GPC6: variants seen among roughly 807,000 people sequenced by gnomAD.
The protein encoded by GPC6 is glypican 6, also known as glypican-6.
GPC6 carries 14 observed loss-of-function variants against 55.2 expected under a neutral mutation model. That is an observed-to-expected ratio of 0.25 (90% CI 0.17 to 0.40). The LOEUF (loss-of-function observed/expected upper bound fraction) is 0.40. Ranked by LOEUF, GPC6 falls within the 10% of genes least tolerant of loss-of-function variation. The pLI, the probability that GPC6 is intolerant of heterozygous loss-of-function variation, is 1.00. For missense variants in GPC6, 641 were observed against 708.5 expected (o/e 0.90, Z 1.08); for synonymous variants, 278 against 259.6 (o/e 1.07, Z -0.68).
chr13:93,346,673 A>G (rs1198148454), intron 1 of GPC6, among the ~76,000 whole-genome samples: 1 of 152,154 alleles, frequency 6.6e-6, no homozygotes, highest in Non-Finnish European at 1.5e-5. Context: ...CTGGATTAGG[A>G]TGACAATGAG....
chr13:93,789,546 A>G (rs1272615418), intron 2 of GPC6, among the ~76,000 whole-genome samples: 1 of 132,920 alleles, frequency 7.5e-6, no homozygotes, highest in African/African-American at 2.9e-5. Flanking sequence ...GTCAGTTAAT[A>G]TAGGGACTTA....
chr13:93,648,405 T>A (rs1880267856), intron 2 of GPC6, among the ~76,000 whole-genome samples: 1 of 152,176 alleles, frequency 6.6e-6, no homozygotes, highest in Admixed American at 6.5e-5. Context: ...TATATTCATA[T>A]AGGAAATAAG....
At chr13:93,954,641 C>T (rs1879414136) in intron 3 of GPC6, among the ~76,000 whole-genome samples, 1 of 152,172 alleles carries the variant, frequency 6.6e-6, no homozygotes, top group Non-Finnish European at 1.5e-5. Context: ...ATAGAGCACA[C>T]AGAGAAGCAT....
intron 4 of GPC6, among the ~76,000 whole-genome samples, chr13:94,155,756 A>T (rs543719465): frequency 1.3e-5 from 2 of 152,306 alleles, no homozygotes; most frequent in South Asian, 4.1e-4. Flanking sequence ...TTTAGGATAA[A>T]GTCCAAAGTC....
intron 4 of GPC6, among the ~76,000 whole-genome samples, chr13:94,064,266 T>G (rs991570598): frequency 2.0e-5 from 3 of 152,238 alleles, no homozygotes; most frequent in East Asian, 1.9e-4. Context: ...CATACTTACC[T>G]TGATTAATTA....
chr13:94,347,506 T>C (rs753868960), intron 6 of GPC6, among the ~76,000 whole-genome samples: 2 of 152,236 alleles, frequency 1.3e-5, no homozygotes. Flanking sequence ...TCATGACTAA[T>C]AATTTCATAC....
At chr13:93,694,175 G>A (rs375825969) in intron 2 of GPC6, among the ~76,000 whole-genome samples, 3 of 152,040 alleles carry the variant, frequency 2.0e-5, no homozygotes, top group East Asian at 3.9e-4. Context: ...AACATTCCCT[G>A]TTAAGAACTC....
intron 1 of GPC6, among the ~76,000 whole-genome samples, chr13:93,368,895 C>G (rs1009966865): frequency 9.2e-5 from 14 of 152,046 alleles, no homozygotes. Flanking sequence ...TCCCAGTTCC[C>G]CAGTGGGTTC....
chr13:94,043,023 C>T (rs1883596109), intron 4 of GPC6, among the ~76,000 whole-genome samples: 1 of 151,664 alleles, frequency 6.6e-6, no homozygotes, highest in African/African-American at 2.4e-5. Flanking sequence ...TCAAATTGTT[C>T]CAGGTTTGTA....
intron 1 of GPC6, among the ~76,000 whole-genome samples, chr13:93,422,194 A>G (rs1356486407): frequency 4.6e-5 from 7 of 151,830 alleles, no homozygotes; most frequent in Non-Finnish European, 7.4e-5. Context: ...CAAAAAGACC[A>G]AGGTGTTTTT....
At chr13:94,091,309 C>A (rs1489608324) in intron 4 of GPC6, among the ~76,000 whole-genome samples, 2 of 146,346 alleles carry the variant, frequency 1.4e-5, no homozygotes, top group East Asian at 2.0e-4. Flanking sequence ...GGGATATAAA[C>A]TTGCAACTTG....
At chr13:93,229,171 TTTC>T (rs1223269164) in intron 1 of GPC6, among the ~76,000 whole-genome samples, 2 of 152,210 alleles carry the variant, frequency 1.3e-5, no homozygotes, top group African/African-American at 2.4e-5. Flanking sequence ...GCTCCTTAAG[TTTC>T]TTAACTCTCC....
At chr13:93,583,504 C>T (rs1194289684) in intron 2 of GPC6, among the ~76,000 whole-genome samples, 2 of 152,078 alleles carry the variant, frequency 1.3e-5, no homozygotes, top group African/African-American at 4.8e-5. Context: ...CCGCAACCTC[C>T]GCCTCCCAGG....
At chr13:93,764,506 G>C (rs1055752026) in intron 2 of GPC6, among the ~76,000 whole-genome samples, 56 of 151,910 alleles carry the variant, frequency 3.7e-4, no homozygotes, top group African/African-American at 1.4e-3. Flanking sequence ...ACCAAAATTT[G>C]AGACTTTTTG....
intron 1 of GPC6, among the ~76,000 whole-genome samples, chr13:93,248,350 A>G (rs1053914545): frequency 2.0e-5 from 3 of 152,084 alleles, no homozygotes; most frequent in Non-Finnish European, 4.4e-5. Flanking sequence ...TTAGTCCCCT[A>G]AAGGATATAT....
chr13:94,407,917 C>T lies in GPC6; in HGVS notation c.*4700C>T, dbSNP rs1881427648. Among the ~76,000 whole-genome samples the T allele has an allele frequency of 6.6e-6, 1 of 152,074 alleles. No individual in the cohort carries two copies. Among genetic ancestry groups the T allele is most frequent in the African/African-American group, 2.4e-5 (1 of 41,426 alleles). On this transcript the variant is annotated 3_prime_UTR_variant, in exon 9 of 9. Coordinates refer to ENST00000377047, the MANE Select transcript of GPC6 (RefSeq NM_005708.5). The stretch of plus-strand genomic sequence containing the variant: ...TTTATCACTGGCTGTGAAAAACCAC[C>T]AGTTGAAAATTATTCATTCCTTAAT...
chr13:93,289,154 T>C (rs1463573735), intron 1 of GPC6, among the ~76,000 whole-genome samples: 5 of 152,138 alleles, frequency 3.3e-5, no homozygotes, highest in African/African-American at 1.2e-4. Flanking sequence ...AGCCTTAGTG[T>C]AACTAATACT....
chr13:93,889,199 C>T (rs949721376), intron 3 of GPC6, among the ~76,000 whole-genome samples: 11 of 152,042 alleles, frequency 7.2e-5, no homozygotes, highest in African/African-American at 2.7e-4. Flanking sequence ...ACTCACTGCT[C>T]ACTTGTTCTT....
intron 1 of GPC6, among the ~76,000 whole-genome samples, chr13:93,308,182 G>T (rs1274077773): frequency 2.6e-5 from 4 of 152,120 alleles, no homozygotes; most frequent in Non-Finnish European, 5.9e-5. Context: ...CTACTCGGGA[G>T]GCTGAGGCAG....
Sources: gnomAD v4.1 joint callset for allele counts (sites outside exome capture counted in the v4.1 genomes callset) on GRCh38, gnomAD v4.1.1 for gene constraint, MANE v1.5 for transcripts, NCBI Gene and HGNC (gene_info 2026-07-23, HGNC 2026-07-21) for gene names.